Variants in SLC36A1 observed in about 807,000 individuals in gnomAD.
The protein encoded by SLC36A1 is solute carrier family 36 member 1.
SLC36A1 carries 30 observed loss-of-function variants against 47.5 expected under a neutral mutation model. That is an observed-to-expected ratio of 0.63 (90% confidence interval 0.47 to 0.86). The LOEUF is 0.86. SLC36A1 is among the 40% of genes least tolerant of loss of function. The pLI, the probability that SLC36A1 is intolerant of heterozygous loss-of-function variation, is 0.00. For missense variants in SLC36A1, 517 were observed against 606.0 expected, an observed-to-expected ratio of 0.85 and a Z score of 1.54; for synonymous variants, 255 against 249.7, an observed-to-expected ratio of 1.02 and a Z score of -0.20.
At chr5:151,550,693 C>G in the SLC36A1 span, 2 of 1,614,184 alleles carry the variant, frequency 1.2e-6, no homozygotes, top group Non-Finnish European at 1.7e-6. Flanking sequence ...GCTGGCACTT[C>G]CTGGGTCTTG....
At chr5:151,357,688 AC>A in the SLC36A1 span, among the ~76,000 whole-genome samples, 2 of 152,338 alleles carry the variant, frequency 1.3e-5, no homozygotes, top group Admixed American at 1.3e-4. Context: ...TGTGACAGAA[AC>A]CATACAGACC....
the SLC36A1 span, among the ~76,000 whole-genome samples, chr5:151,537,349 AAAAAAG>A: frequency 3.5e-5 from 3 of 86,214 alleles, no homozygotes; most frequent in Non-Finnish European, 9.8e-5. Flanking sequence ...AAAAGAAAAG[AAAAAAG>A]AAGGAAGGAA....
the SLC36A1 span, among the ~76,000 whole-genome samples, chr5:151,426,266 A>G: frequency 6.6e-6 from 1 of 152,176 alleles, no homozygotes; most frequent in Admixed American, 6.5e-5. Flanking sequence ...CAGTGGGCCC[A>G]GGGGACCGGT....
At chr5:151,550,702 T>C in the SLC36A1 span, 1 of 1,614,160 alleles carries the variant, frequency 6.2e-7, no homozygotes, top group African/African-American at 1.3e-5. Flanking sequence ...TCCTGGGTCT[T>C]GGCTGCCATG....
chr5:151,464,293 G>C (rs536633900), intron 3 of SLC36A1, among the ~76,000 whole-genome samples: 1 of 152,090 alleles, frequency 6.6e-6, no homozygotes, highest in African/African-American at 2.4e-5. Context: ...TCTTCTCCAC[G>C]TGACTAAATC....
the SLC36A1 span, among the ~76,000 whole-genome samples, chr5:151,536,734 G>C: frequency 6.6e-6 from 1 of 152,194 alleles, no homozygotes; most frequent in Non-Finnish European, 1.5e-5. Flanking sequence ...TCTCACCTGT[G>C]TTATAACAAT....
the SLC36A1 span, chr5:151,554,620 C>T: frequency 1.2e-6 from 2 of 1,614,034 alleles, no homozygotes; most frequent in Non-Finnish European, 1.7e-6. Flanking sequence ...AGATGCCTAC[C>T]ACCACCCTGG....
At chr5:151,482,845 A>C (rs1758988190) in intron 10 of SLC36A1, among the ~76,000 whole-genome samples, 1 of 152,192 alleles carries the variant, frequency 6.6e-6, no homozygotes, top group African/African-American at 2.4e-5. Flanking sequence ...ATTTAAAAGT[A>C]ACATGGTGAA....
chr5:151,539,109 G>C, the SLC36A1 span, among the ~76,000 whole-genome samples: 1 of 152,100 alleles, frequency 6.6e-6, no homozygotes, highest in African/African-American at 2.4e-5. Flanking sequence ...TGGTTGTAAT[G>C]ATGGCTGAGG....
intron 2 of SLC36A1, among the ~76,000 whole-genome samples, chr5:151,463,269 C>T (rs1755824767): frequency 6.6e-6 from 1 of 152,164 alleles, no homozygotes; most frequent in African/African-American, 2.4e-5. Flanking sequence ...TGGAGCACCC[C>T]TCTGGTCTAA....
the SLC36A1 span, among the ~76,000 whole-genome samples, chr5:151,536,969 A>G: frequency 9.5e-4 from 145 of 152,286 alleles, 1 homozygote; most frequent in East Asian, 0.025. Flanking sequence ...AGGTCTTTGT[A>G]TAAATTCTCC....
chr5:151,365,279 C>T, the SLC36A1 span, among the ~76,000 whole-genome samples: 1 of 152,220 alleles, frequency 6.6e-6, no homozygotes, highest in East Asian at 1.9e-4. Flanking sequence ...GCTCAGTGCT[C>T]TTCCTATTGA....
intron 5 of SLC36A1, among the ~76,000 whole-genome samples, chr5:151,465,885 T>C (rs140776731): frequency 2.0e-5 from 3 of 152,028 alleles, no homozygotes; most frequent in East Asian, 3.9e-4. Context: ...GAGGGAAATA[T>C]TATGTTTGTT....
chr5:151,347,365 G>T, the SLC36A1 span: 3 of 1,614,216 alleles, frequency 1.9e-6, no homozygotes, highest in Non-Finnish European at 2.5e-6. Context: ...TAGAGTCCTT[G>T]TTCTCCAACT....
At chr5:151,379,626 C>T in the SLC36A1 span, among the ~76,000 whole-genome samples, 1 of 152,208 alleles carries the variant, frequency 6.6e-6, no homozygotes, top group Non-Finnish European at 1.5e-5. Flanking sequence ...GCCACCGTGC[C>T]CGGCGCTCTT....
At chr5:151,548,226 T>C in the SLC36A1 span, among the ~76,000 whole-genome samples, 2 of 152,118 alleles carry the variant, frequency 1.3e-5, no homozygotes, top group Non-Finnish European at 2.9e-5. Context: ...CATTAGGTCT[T>C]GTGAGGGCAG....
At chr5:151,475,254 C>A (rs1757887613) in intron 8 of SLC36A1, among the ~76,000 whole-genome samples, 2 of 152,190 alleles carry the variant, frequency 1.3e-5, no homozygotes, top group Non-Finnish European at 2.9e-5. Flanking sequence ...GCCCAGAGAC[C>A]TTAGGTTCTT....
chr5:151,395,178 G>C, the SLC36A1 span, among the ~76,000 whole-genome samples: 2 of 152,208 alleles, frequency 1.3e-5, no homozygotes, highest in African/African-American at 4.8e-5. Context: ...AATGAGTGAG[G>C]CTCTGTGGGC....
downstream of SLC36A1, among the ~76,000 whole-genome samples, chr5:151,494,878 G>A (rs1760293535): frequency 6.6e-6 from 1 of 151,918 alleles, no homozygotes; most frequent in Non-Finnish European, 1.5e-5. Context: ...CTTCCCAGTG[G>A]CCATTCGCAA....
Sources: allele counts gnomAD v4.1 joint callset (sites outside exome capture counted in the v4.1 genomes callset), GRCh38; gene constraint gnomAD v4.1.1; transcripts MANE v1.5; gene names NCBI Gene and HGNC (gene_info 2026-07-23, HGNC 2026-07-21).